ZNF131: variants seen among roughly 807,000 people sequenced by gnomAD.
The protein encoded by ZNF131 is zinc finger and BTB domain containing 35.
ZNF131 carries 7 observed loss-of-function variants against 60.0 expected under a neutral mutation model. The observed-to-expected ratio is 0.12, with a 90% CI of 0.07 to 0.22. The LOEUF is 0.22. Among genes scored for constraint, ZNF131 ranks in the 10% least tolerant of loss-of-function variants. ZNF131 has a pLI of 1.00. For missense variants in ZNF131, 493 were observed against 740.9 expected (o/e 0.67, Z 3.88); for synonymous variants, 257 against 253.2 (o/e 1.01, Z -0.14).
At chr5:43,151,622 A>G (rs1372182500) in intron 4 of ZNF131, among the ~76,000 whole-genome samples, 4 of 152,038 alleles carry the variant, frequency 2.6e-5, no homozygotes, top group African/African-American at 7.2e-5. Context: ...TTTGGCAGAA[A>G]TGAGGTTTCT....
rs539418009 is a variant in ZNF131 at position 43,149,977 on chromosome 5, A to G, written c.371+10668A>G. Among the ~76,000 whole-genome samples the G allele has an allele frequency of 5.9e-5, 9 of 152,314 alleles. No individual in the cohort carries two copies. The South Asian group carries it at 1.0e-3, about 18-fold the overall frequency. ...AGTTTCATGGATGCCGGCAAGAGAC[A>G]TGAGACTCTTGAGTCCAGAAAAGGG... is the stretch of plus-strand genomic sequence containing the variant. On this transcript the variant is annotated intron_variant, in intron 4 of 6. Transcript: ENST00000682664.
At chr5:43,142,049 T>C (rs1746903196) in intron 4 of ZNF131, among the ~76,000 whole-genome samples, 1 of 151,788 alleles carries the variant, frequency 6.6e-6, no homozygotes, top group African/African-American at 2.4e-5. Flanking sequence ...TGGTTAAAAA[T>C]TAGATTTTTG....
At chr5:43,166,841 G>A (rs1204721381) in intron 5 of ZNF131, among the ~76,000 whole-genome samples, 1 of 151,732 alleles carries the variant, frequency 6.6e-6, no homozygotes, top group Non-Finnish European at 1.5e-5. Context: ...GTATTTTTTA[G>A]TAGAGACGGG....
intron 5 of ZNF131, among the ~76,000 whole-genome samples, chr5:43,165,843 A>G (rs1750281318): frequency 6.6e-6 from 1 of 152,246 alleles, no homozygotes; most frequent in African/African-American, 2.4e-5. Flanking sequence ...ATCTTCCAGT[A>G]CAAGGCTGTT....
intron 4 of ZNF131, among the ~76,000 whole-genome samples, chr5:43,157,693 A>G (rs567563953): frequency 4.6e-5 from 7 of 152,314 alleles, no homozygotes; most frequent in African/African-American, 1.7e-4. Flanking sequence ...AACAAGAGAA[A>G]TGTGTTGTTT....
intron 3 of ZNF131, among the ~76,000 whole-genome samples, chr5:43,134,999 C>G (rs899123694): frequency 6.8e-6 from 1 of 147,678 alleles, no homozygotes; most frequent in African/African-American, 2.5e-5. Flanking sequence ...GCCCGGCCAT[C>G]AGTTACATTT....
rs1397658158 is a variant in ZNF131, at chr5:43,174,672, A to C, written c.1411A>C (p.Ile471Leu). 6.2e-7 allele frequency: 1 copy of C among 1,614,198 alleles called. No homozygotes were observed. The highest frequency in any genetic ancestry group is 1.1e-5 in the South Asian group (1 of 91,088). Reference sequence around the variant, plus strand: ...AACTGAACCTGTAACATCAATGACTATTATAGAACAAGTTGGGAAGGTGCA... The same window carrying C: ...AACTGAACCTGTAACATCAATGACTCTTATAGAACAAGTTGGGAAGGTGCA... ...VQTEPVTSMT[I>L]IEQVGKVHVL... Residue 471 changes from isoleucine to leucine, a missense_variant, in exon 7 of 7, where the codon ATT becomes CTT. This residue lies in a region of ZNF131 where 202 missense variants were observed against 221.3 expected (regional missense o/e 0.91). Coordinates refer to ENST00000682664, the MANE Select transcript of ZNF131 (RefSeq NM_001330707.2).
At chr5:43,134,666 A>G (rs532673231) in intron 3 of ZNF131, among the ~76,000 whole-genome samples, 3 of 151,692 alleles carry the variant, frequency 2.0e-5, no homozygotes, top group African/African-American at 7.2e-5. Flanking sequence ...AAATCAGCAT[A>G]CAAAAGTCAG....
chr5:43,130,303 A>G (rs1329689793), intron 3 of ZNF131, among the ~76,000 whole-genome samples: 1 of 148,598 alleles, frequency 6.7e-6, no homozygotes, highest in African/African-American at 2.5e-5. Flanking sequence ...GAGGCAATGT[A>G]GCTGAGAGAT....
intron 5 of ZNF131, among the ~76,000 whole-genome samples, chr5:43,167,628 C>G (rs2112047045): frequency 6.6e-6 from 1 of 152,216 alleles, no homozygotes; most frequent in African/African-American, 2.4e-5. Flanking sequence ...TTTTTGTCCT[C>G]TGAATTTATT....
Position 43,174,830 on chromosome 5 carries a change from T to G in ZNF131, c.1569T>G (p.Ser523Arg). The G allele has an allele frequency of 1.2e-6, 2 of 1,614,114 alleles. No individual in the cohort carries two copies. The highest frequency in any genetic ancestry group is 1.7e-6 in the Non-Finnish European group (2 of 1,180,020). ...MSELPEQVQV[S>R]YLEVGRIQTE... ...AGCTTCCAGAGCAGGTCCAAGTGAG[T>G]TATCTAGAAGTGGGCCGAATTCAGA... is the stretch of plus-strand genomic sequence containing the variant. Residue 523 changes from serine (S) to arginine (R), a missense_variant, in exon 7 of 7, where the codon AGT becomes AGG. Ser to Arg is a moderately radical substitution (Grantham distance 110, BLOSUM62 -1). This residue lies in a region of ZNF131 where 202 missense variants were observed against 221.3 expected (regional missense o/e 0.91). Transcript: ENST00000682664.
At chr5:43,123,124 A>C in intron 2 of ZNF131, 85 bp from the exon 3 acceptor site, 1 of 1,055,216 alleles carries the variant, frequency 9.5e-7, no homozygotes, top group South Asian at 1.5e-5. Context: ...ATTTTGCTTT[A>C]TATGATTTTT....
At chr5:43,134,723 A>G (rs1745832182) in intron 3 of ZNF131, among the ~76,000 whole-genome samples, 1 of 117,404 alleles carries the variant, frequency 8.5e-6, no homozygotes, top group Non-Finnish European at 1.7e-5. Context: ...TTTGGGAGAC[A>G]GAGTTTCACT....
chr5:43,175,225 A>G lies in ZNF131; in HGVS notation c.*92A>G. On this transcript the variant is annotated 3_prime_UTR_variant, in exon 7 of 7. Transcript: ENST00000682664. ...TGTCCTTAATTAAGCCTAACAGACA[A>G]GTGGACCAAAGTTAAGCTGTTTCCT... 2 of 1,260,530 alleles carry G rather than the reference A, an allele frequency of 1.6e-6. No homozygotes were observed. Among genetic ancestry groups the G allele is most frequent in the South Asian group, 3.1e-5 (2 of 65,032 alleles). The allele number at this position is 1,260,530 out of a possible 1,614,324, so 78.1% of individuals were successfully genotyped here.
At chr5:43,130,161 G>A (rs147769962) in intron 3 of ZNF131, among the ~76,000 whole-genome samples, 14,615 of 150,688 alleles carry the variant, frequency 0.097, 845 homozygotes, top group East Asian at 0.19. Flanking sequence ...CTACTGGGGA[G>A]GCTGAGGCAG....
At chr5:43,128,038 G>C (rs910155668) in intron 3 of ZNF131, among the ~76,000 whole-genome samples, 7 of 152,182 alleles carry the variant, frequency 4.6e-5, no homozygotes, top group African/African-American at 1.7e-4. Context: ...GGGATTCCCT[G>C]AGTCTAGAGT....
At chr5:43,143,369 T>C (rs775391782) in intron 4 of ZNF131, 13 of 1,333,280 alleles carry the variant, frequency 9.8e-6, no homozygotes, top group Non-Finnish European at 1.1e-5. Flanking sequence ...TTAGATCTTG[T>C]TGAAAGCAGC....
At chr5:43,134,375 CAACAT>C (rs1561397057) in intron 3 of ZNF131, among the ~76,000 whole-genome samples, 1 of 152,146 alleles carries the variant, frequency 6.6e-6, no homozygotes, top group Non-Finnish European at 1.5e-5. Context: ...GAAATTATCT[CAACAT>C]AATAAAGGCC....
intron 3 of ZNF131, among the ~76,000 whole-genome samples, chr5:43,130,263 C>CA (rs765959932): frequency 6.0e-4 from 20 of 33,156 alleles, no homozygotes; most frequent in South Asian, 5.1e-3. Context: ...GACTCTGTCT[C>CA]CAAAAAAAAA....
Sources: gnomAD v4.1 joint callset for allele counts (sites outside exome capture counted in the v4.1 genomes callset) on GRCh38, gnomAD v4.1.1 for gene constraint, gnomAD v4.1.1 regional missense constraint, MANE v1.5 for transcripts, NCBI Gene and HGNC (gene_info 2026-07-23, HGNC 2026-07-21) for gene names.